TMPRSS6: variants seen among roughly 807,000 people sequenced by gnomAD.
TMPRSS6 encodes transmembrane serine protease 6, also known as transmembrane protease serine 6.
In TMPRSS6, 67 loss-of-function variants were observed where a neutral mutation model predicts 101.5. The observed-to-expected ratio is 0.66, with a 90% CI of 0.54 to 0.81. TMPRSS6 has a LOEUF of 0.81. TMPRSS6 is among the 30% of genes least tolerant of loss of function. TMPRSS6 has a pLI of 0.00. For synonymous variants in TMPRSS6, 453 were observed against 464.9 expected (o/e 0.97, Z 0.33); for missense variants, 1,034 against 1,088.7 (o/e 0.95, Z 0.71).
At chr22:37,079,329 T>C (rs895169192) in intron 10 of TMPRSS6, among the ~76,000 whole-genome samples, 1 of 152,176 alleles carries the variant, frequency 6.6e-6, no homozygotes, top group Non-Finnish European at 1.5e-5. Flanking sequence ...TCCTCACCTC[T>C]CTGGATATGG....
chr22:37,086,916 C>T (rs1569013621), intron 7 of TMPRSS6, among the ~76,000 whole-genome samples: 1 of 152,136 alleles, frequency 6.6e-6, no homozygotes, highest in Non-Finnish European at 1.5e-5. Context: ...CAGAGCTTGG[C>T]GCCTGGGAGG....
At chr22:37,071,860 A>G (rs1456063931) in intron 13 of TMPRSS6, among the ~76,000 whole-genome samples, 1 of 152,234 alleles carries the variant, frequency 6.6e-6, no homozygotes, top group Non-Finnish European at 1.5e-5. Context: ...ACCAGTGGAC[A>G]GACAGGGGGC....
At chr22:37,071,579 G>A (rs1170083730) in intron 13 of TMPRSS6, among the ~76,000 whole-genome samples, 1 of 152,210 alleles carries the variant, frequency 6.6e-6, no homozygotes, top group South Asian at 2.1e-4. Context: ...TACAAGGCAG[G>A]AGAGTCACCC....
intron 7 of TMPRSS6, among the ~76,000 whole-genome samples, chr22:37,088,318 G>T (rs1385033598): frequency 2.0e-5 from 3 of 152,138 alleles, no homozygotes; most frequent in Non-Finnish European, 4.4e-5. Flanking sequence ...TGGGGGAGGG[G>T]TGTGGCAAGA....
chr22:37,100,538 AAAAG>A (rs748717605), intron 2 of TMPRSS6, among the ~76,000 whole-genome samples: 36 of 152,180 alleles, frequency 2.4e-4, no homozygotes, highest in Admixed American at 1.9e-3. Context: ...GGCTGGGTGG[AAAAG>A]AAAGAAAGGA....
chr22:37,108,033 C>G (rs1481413406), intron 1 of TMPRSS6, among the ~76,000 whole-genome samples: 1 of 152,210 alleles, frequency 6.6e-6, no homozygotes, highest in African/African-American at 2.4e-5. Context: ...GTGCTGTGTG[C>G]ATATGTGGCC....
chr22:37,071,175 C>G, intron 13 of TMPRSS6, 143 bp from the exon 14 acceptor site: 1 of 741,222 alleles, frequency 1.3e-6, no homozygotes, highest in African/African-American at 1.7e-5. Context: ...CCTTTAGGGT[C>G]TCCTAAAAGC....
chr22:37,084,925 A>G, intron 8 of TMPRSS6, 86 bp from the exon 9 acceptor site: 1 of 961,880 alleles, frequency 1.0e-6, no homozygotes, highest in Non-Finnish European at 1.6e-6. Context: ...CACCACCCCT[A>G]CCACCTCTGC....
chr22:37,102,543 G>A (rs1275864572), intron 2 of TMPRSS6, among the ~76,000 whole-genome samples: 3 of 152,214 alleles, frequency 2.0e-5, no homozygotes, highest in Non-Finnish European at 2.9e-5. Context: ...AATGAACGGA[G>A]GCCTGGATGA....
At chr22:37,098,069 C>T (rs372510041) in intron 3 of TMPRSS6, among the ~76,000 whole-genome samples, 6 of 126,382 alleles carry the variant, frequency 4.7e-5, no homozygotes, top group Admixed American at 3.2e-4. Flanking sequence ...GGGGGAGGAG[C>T]GGGCCACCGT....
intron 13 of TMPRSS6, among the ~76,000 whole-genome samples, chr22:37,071,638 C>T (rs958180155): frequency 2.0e-5 from 3 of 152,264 alleles, no homozygotes; most frequent in Admixed American, 6.5e-5. Context: ...GGGCCTGCAT[C>T]TCTGCTGTTT....
At position 37,103,591 on chromosome 22, in the gene TMPRSS6, G is replaced by A. The variant is rs764660325; in HGVS notation, c.-1-173C>T. The stretch of plus-strand genomic sequence containing the variant: ...CCGAGACAGCTCACAGAGGAGGGAA[G>A]TGCATCTCAGGTCAGCTCGCACCAG... On this transcript the variant is annotated intron_variant, in intron 1 of 17. Coordinates refer to ENST00000676104, the MANE Select transcript of TMPRSS6 (RefSeq NM_001374504.1). The surrounding 1 kb of genome is among the most constrained non-coding windows in gnomAD (Gnocchi z 4.4). The A allele has an allele frequency of 1.2e-6, 2 of 1,612,114 alleles. No individual in the cohort carries two copies. Among genetic ancestry groups the A allele is most frequent in the Non-Finnish European group, 8.5e-7 (1 of 1,179,476 alleles).
intron 2 of TMPRSS6, among the ~76,000 whole-genome samples, chr22:37,099,647 A>G (rs769599331): frequency 1.3e-5 from 2 of 152,230 alleles, no homozygotes; most frequent in East Asian, 3.8e-4. Flanking sequence ...CTAGCAAGGA[A>G]TCAGACGGTA....
chr22:37,067,192 C>T (rs1003214645), intron 16 of TMPRSS6, among the ~76,000 whole-genome samples: 3 of 152,174 alleles, frequency 2.0e-5, no homozygotes, highest in South Asian at 2.1e-4. Flanking sequence ...TGTGGAGGGC[C>T]GGGCACGGTG....
chr22:37,085,811 G>A (rs562557222), intron 8 of TMPRSS6, among the ~76,000 whole-genome samples: 6 of 152,188 alleles, frequency 3.9e-5, no homozygotes, highest in South Asian at 2.1e-4. Flanking sequence ...GGCTGTAAGC[G>A]GACTGTCTAG....
intron 13 of TMPRSS6, among the ~76,000 whole-genome samples, chr22:37,072,883 GGATGGATGAATGGATGGATGGATA>G (rs1363259628): frequency 2.4e-4 from 33 of 136,800 alleles, no homozygotes; most frequent in African/African-American, 8.5e-4. Context: ...CATGGATGAT[GGATGGATGAATGGATGGATGGATA>G]GATGGATGAT....
chr22:37,080,756 G>A (rs1045163919), intron 10 of TMPRSS6, among the ~76,000 whole-genome samples: 12 of 152,254 alleles, frequency 7.9e-5, no homozygotes, highest in Non-Finnish European at 1.5e-4. Flanking sequence ...AAAGGGCTGG[G>A]ACTTCCCAGG....
rs1926594225 is a variant in TMPRSS6, at chr22:37,069,007, CCAGGT to C, written c.2113+61_2113+65del. 6.6e-7 allele frequency: 1 copy of C among 1,525,946 alleles called. No individual in the cohort carries two copies. Among genetic ancestry groups the C allele is most frequent in the African/African-American group, 1.4e-5 (1 of 72,972 alleles). 94.5% of individuals were successfully genotyped at this position (1,525,946 alleles called of 1,614,324 possible). On this transcript the variant is annotated intron_variant, in intron 16 of 17. Coordinates refer to ENST00000676104, the MANE Select transcript of TMPRSS6 (RefSeq NM_001374504.1). The surrounding 1 kb of genome is among the most constrained non-coding windows in gnomAD (Gnocchi z 4.8). The stretch of plus-strand genomic sequence containing the variant: ...ACCCCCAGCCCCGCCCTTCTCCAGG[CCAGGT>C]GTTACGGCGCAGATCCGCACGGTCT...
intron 10 of TMPRSS6, among the ~76,000 whole-genome samples, chr22:37,082,041 A>T (rs1459228207): frequency 5.3e-5 from 8 of 152,054 alleles, no homozygotes; most frequent in African/African-American, 1.9e-4. Context: ...CAGTACCCAG[A>T]CCCTTGCCCA....
Sources: gnomAD v4.1 joint callset for allele counts (sites outside exome capture counted in the v4.1 genomes callset) on GRCh38, gnomAD v4.1.1 for gene constraint, Gnocchi (gnomAD v3.1) non-coding constraint, MANE v1.5 for transcripts, NCBI Gene and HGNC (gene_info 2026-07-23, HGNC 2026-07-21) for gene names.